Variants in SHC4 observed in about 807,000 individuals in gnomAD.
The protein encoded by SHC4 is SHC adaptor protein 4.
Under a neutral mutation model 69.4 loss-of-function variants are expected in SHC4, and 41 were observed. That is an observed-to-expected ratio of 0.59 (90% CI 0.46 to 0.77). The LOEUF (loss-of-function observed/expected upper bound fraction) is 0.77, where lower values mean the gene tolerates loss of function less well. SHC4 is among the 30% of genes least tolerant of loss of function. SHC4 has a pLI of 0.00. For synonymous variants in SHC4, 318 were observed against 299.3 expected, an observed-to-expected ratio of 1.06 and a Z score of -0.64; for missense variants, 777 against 783.8, an observed-to-expected ratio of 0.99 and a Z score of 0.10.
In SHC4 at chr15:48,824,615, T is replaced by A. The variant is rs1302624139; in HGVS notation, c.*1356A>T. 6.6e-6 allele frequency: 1 copy of A among 152,216 alleles called. No individual in the cohort carries two copies. Among genetic ancestry groups the A allele is most frequent in the African/African-American group, 2.4e-5 (1 of 41,448 alleles). The allele number at this position is 152,216 out of a possible 1,614,324, so 9.4% of individuals were successfully genotyped here. On this transcript the variant is annotated 3_prime_UTR_variant, in exon 12 of 12. Transcript: ENST00000332408. Reference sequence around the variant, plus strand: ...TCATTCTGTGAGTATGGACACAGACTATAGAAGAAAAGCTTAATTTTTTAC... The same window carrying A: ...TCATTCTGTGAGTATGGACACAGACAATAGAAGAAAAGCTTAATTTTTTAC...
Position 48,851,210 on chromosome 15 carries a change from A to G in SHC4, c.1281T>C (p.Cys427=). Residue 427 remains cysteine, a synonymous_variant, in exon 9 of 12, where the codon TGT becomes TGC. Transcript: ENST00000332408. ...NSKCSSVYEN[C]LEQSRAIGNV... The stretch of plus-strand genomic sequence containing the variant: ...TACCTATTGCCCTGCTTTGTTCTAA[A>G]CAGTTCTCATATACACTGCTGCACT... 6.2e-7 allele frequency: 1 copy of G among 1,614,124 alleles called. No homozygotes were observed. The highest frequency in any genetic ancestry group is 8.5e-7 in the Non-Finnish European group (1 of 1,179,978).
chr15:48,887,329 G>C (rs1490476009), intron 3 of SHC4, among the ~76,000 whole-genome samples: 2 of 152,174 alleles, frequency 1.3e-5, no homozygotes, highest in Non-Finnish European at 2.9e-5. Context: ...GCCTGGGCTT[G>C]ACCTAGCTCC....
At chr15:48,878,116 C>G in intron 4 of SHC4, 2 of 1,506,008 alleles carry the variant, frequency 1.3e-6, no homozygotes, top group Non-Finnish European at 1.8e-6. Context: ...CGCACGAACG[C>G]ACGGCCGCGC....
At chr15:48,857,878 A>T in intron 6 of SHC4, 63 bp from the exon 7 acceptor site, 1 of 1,337,256 alleles carries the variant, frequency 7.5e-7, no homozygotes, top group African/African-American at 1.5e-5. Flanking sequence ...GATTACATAA[A>T]ATCAGAGTAC....
At chr15:48,927,161 C>T (rs565994091) in intron 1 of SHC4, among the ~76,000 whole-genome samples, 1 of 152,318 alleles carries the variant, frequency 6.6e-6, no homozygotes, top group South Asian at 2.1e-4. Flanking sequence ...TTCCAAGCAT[C>T]CAAGCTCCAC....
intron 10 of SHC4, among the ~76,000 whole-genome samples, chr15:48,836,603 T>A (rs1158772471): frequency 1.3e-5 from 2 of 152,184 alleles, no homozygotes; most frequent in East Asian, 3.8e-4. Flanking sequence ...AACCAGTCTT[T>A]ATCTTTATAA....
At chr15:48,925,574 G>A (rs1184089039) in intron 1 of SHC4, among the ~76,000 whole-genome samples, 2 of 152,180 alleles carry the variant, frequency 1.3e-5, no homozygotes, top group Non-Finnish European at 2.9e-5. Context: ...TATTAAGGGG[G>A]TTCTTGACAG....
intron 6 of SHC4, among the ~76,000 whole-genome samples, chr15:48,865,566 G>C (rs1438881111): frequency 1.3e-5 from 2 of 152,146 alleles, no homozygotes; most frequent in East Asian, 3.8e-4. Flanking sequence ...AGGAAATCAA[G>C]GTTTGAGGTT....
chr15:48,861,253 CA>C (rs2140986487), intron 6 of SHC4, among the ~76,000 whole-genome samples: 1 of 152,304 alleles, frequency 6.6e-6, no homozygotes, highest in East Asian at 1.9e-4. Context: ...CATGCCCCAA[CA>C]CACCCAGCTT....
At chr15:48,887,300 T>C (rs1394812794) in intron 3 of SHC4, among the ~76,000 whole-genome samples, 1 of 152,310 alleles carries the variant, frequency 6.6e-6, no homozygotes, top group South Asian at 2.1e-4. Context: ...TGTGATTAAG[T>C]GTGTAAATGC....
Position 48,837,751 on chromosome 15 carries a change from T to C in SHC4, c.1484-2729A>G, listed in dbSNP as rs143306773. On this transcript the variant is annotated intron_variant, in intron 10 of 11. Transcript: ENST00000332408. ...TTCCTATTGGCACTTAAAGACATAT[T>C]GTTCACAATCAGACCTTCAAGAAAG... Among the ~76,000 whole-genome samples, 374 of 152,258 alleles carry C rather than the reference T, an allele frequency of 2.5e-3. 1 individual carries two copies. Among genetic ancestry groups the C allele is most frequent in the African/African-American group, 8.6e-3 (359 of 41,548 alleles).
chr15:48,920,851 A>G (rs552706683), intron 2 of SHC4, among the ~76,000 whole-genome samples: 19 of 152,192 alleles, frequency 1.2e-4, no homozygotes, highest in Non-Finnish European at 2.5e-4. Context: ...TGGAAGTCTG[A>G]GGTGGGAGGA....
chr15:48,905,307 A>G (rs1382653773), intron 2 of SHC4, among the ~76,000 whole-genome samples: 1 of 152,188 alleles, frequency 6.6e-6, no homozygotes, highest in Non-Finnish European at 1.5e-5. Context: ...TCAAGCCCAA[A>G]AATGATGGAT....
chr15:48,875,664 GC>G (rs2140996306), intron 4 of SHC4, among the ~76,000 whole-genome samples: 1 of 152,316 alleles, frequency 6.6e-6, no homozygotes, highest in Admixed American at 6.5e-5. Flanking sequence ...CACCACAGAT[GC>G]AGAACTATTC....
chr15:48,840,139 T>C (rs1037386145), intron 10 of SHC4, among the ~76,000 whole-genome samples: 1 of 152,238 alleles, frequency 6.6e-6, no homozygotes, highest in Non-Finnish European at 1.5e-5. Flanking sequence ...GGAAACCAGA[T>C]GTTGAGAATG....
intron 11 of SHC4, among the ~76,000 whole-genome samples, chr15:48,829,318 T>G (rs946839433): frequency 1.3e-5 from 2 of 152,200 alleles, no homozygotes; most frequent in African/African-American, 4.8e-5. Flanking sequence ...TATCCATTAT[T>G]GAAAGTGGAG....
chr15:48,951,201 T>C (rs1024601685), intron 1 of SHC4, among the ~76,000 whole-genome samples: 2 of 152,112 alleles, frequency 1.3e-5, no homozygotes, highest in Non-Finnish European at 2.9e-5. Flanking sequence ...CGGGGTCACC[T>C]TGAACACAGC....
intron 2 of SHC4, among the ~76,000 whole-genome samples, chr15:48,917,724 A>G (rs1439221883): frequency 6.6e-6 from 1 of 152,160 alleles, no homozygotes; most frequent in Non-Finnish European, 1.5e-5. Context: ...GAGCTTTGAA[A>G]GGGGTGACAT....
At chr15:48,839,940 C>T (rs1898962060) in intron 10 of SHC4, among the ~76,000 whole-genome samples, 1 of 152,224 alleles carries the variant, frequency 6.6e-6, no homozygotes, top group South Asian at 2.1e-4. Context: ...TTTTTCTAGC[C>T]TTCCTTGCAG....
Sources: gnomAD v4.1 joint callset for allele counts (sites outside exome capture counted in the v4.1 genomes callset) on GRCh38, gnomAD v4.1.1 for gene constraint, MANE v1.5 for transcripts, NCBI Gene and HGNC (gene_info 2026-07-23, HGNC 2026-07-21) for gene names.